The following SCUBE2 variants were observed in gnomAD, a reference collection of about 807,000 sequenced individuals.
SCUBE2 encodes signal peptide, CUB and EGF-like domain-containing protein 2.
A neutral mutation model predicts 125.9 loss-of-function variants in SCUBE2; 114 were observed. The ratio of observed to expected loss-of-function variants is 0.91; its 90% CI spans 0.78 to 1.06. The LOEUF is 1.06. SCUBE2 is among the 50% of genes least tolerant of loss of function. The probability of loss-of-function intolerance (pLI) is 0.00; values close to 1 mark genes in which losing one functional copy is unlikely to be tolerated. For synonymous variants in SCUBE2, 459 were observed against 492.9 expected (o/e 0.93, Z 0.91); for missense variants, 1,255 against 1,301.8 (o/e 0.96, Z 0.55).
At chr11:9,084,283 T>C (rs2135962414) in intron 2 of SCUBE2, among the ~76,000 whole-genome samples, 1 of 152,346 alleles carries the variant, frequency 6.6e-6, no homozygotes, top group East Asian at 1.9e-4. Context: ...TATGCATCAG[T>C]ACATAGTGGT....
Position 9,090,434 on chromosome 11 carries a change from C to A in SCUBE2, c.134-605G>T, listed in dbSNP as rs868470783. 9 of 152,688 alleles carry A rather than the reference C, an allele frequency of 5.9e-5. No individual in the cohort carries two copies. In the Middle Eastern group the frequency reaches 9.0e-3, roughly 153 times the overall value. The allele number at this position is 152,688 out of a possible 1,614,324, so 9.5% of individuals were successfully genotyped here. On this transcript the variant is annotated intron_variant, in intron 1 of 22. Coordinates refer to ENST00000649792, the MANE Select transcript of SCUBE2 (RefSeq NM_001367977.2). Reference sequence around the variant, plus strand: ...GGACAGTTTTGAATGCGGCCCAATGCAAATTCATAAACTTTCTTAAAACAT... The same window carrying A: ...GGACAGTTTTGAATGCGGCCCAATGAAAATTCATAAACTTTCTTAAAACAT...
Position 9,050,637 on chromosome 11 carries a change from C to G in SCUBE2, c.1608G>C (p.Leu536=). ...EGKCSLKNAE[L]FPEGLRPALP... ...GTGCTGGTCGCAGACCCTCGGGAAA[C>G]AGCTCAGCATTTTTCAAACTACACT... The change falls in exon 14 of 23, where the codon CTG becomes CTC. Residue 536 remains leucine, a synonymous_variant. Transcript: ENST00000649792. 2 of 1,614,170 alleles carry G rather than the reference C, an allele frequency of 1.2e-6. No individual in the cohort carries two copies. The highest frequency in any genetic ancestry group is 1.7e-6 in the Non-Finnish European group (2 of 1,179,980).
intron 16 of SCUBE2, among the ~76,000 whole-genome samples, chr11:9,038,514 T>C (rs527566379): frequency 1.4e-4 from 21 of 152,020 alleles, no homozygotes; most frequent in Admixed American, 4.6e-4. Context: ...TGGTAGTGCA[T>C]GCCAGTGGGA....
intron 21 of SCUBE2, chr11:9,024,374 C>T (rs563912734): frequency 7.8e-7 from 1 of 1,288,184 alleles, no homozygotes; most frequent in East Asian, 5.6e-5. Flanking sequence ...GATACTAAAA[C>T]TCCTTGTCTT....
intron 2 of SCUBE2, among the ~76,000 whole-genome samples, chr11:9,086,579 G>A (rs970729413): frequency 1.8e-4 from 28 of 151,654 alleles, no homozygotes; most frequent in African/African-American, 6.3e-4. Context: ...CTGGCCGGGC[G>A]CAGTGGCTCA....
intron 19 of SCUBE2, among the ~76,000 whole-genome samples, 182 bp downstream of exon 19, chr11:9,029,702 G>A (rs969402920): frequency 2.6e-5 from 4 of 152,200 alleles, no homozygotes; most frequent in East Asian, 3.9e-4. Flanking sequence ...AAGATGAGTC[G>A]CTCTGCACAG....
intron 3 of SCUBE2, 101 bp from the exon 4 acceptor site, chr11:9,074,716 T>C (rs1245944288): frequency 4.5e-6 from 6 of 1,339,350 alleles, no homozygotes; most frequent in South Asian, 2.5e-5. Context: ...GAGGTTCCTC[T>C]TCACGTCCCT....
intron 8 of SCUBE2, chr11:9,059,754 T>C (rs543520257): frequency 2.8e-5 from 7 of 251,938 alleles, no homozygotes; most frequent in African/African-American, 1.5e-4. Context: ...GATGGGTCTC[T>C]TTAGTACACT....
Position 9,054,699 on chromosome 11 carries a change from G to GTATATA in SCUBE2, c.1208-941_1208-940insTATATA, listed in dbSNP as rs1491160291. Among the ~76,000 whole-genome samples the GTATATA allele has an allele frequency of 1.5e-3, 68 of 44,708 alleles. 9 individuals are homozygous for GTATATA. Among genetic ancestry groups the GTATATA allele is most frequent in the East Asian group, 0.013 (11 of 858 alleles). The allele number at this position is 44,708 out of a possible 152,430, so 29.3% of individuals were successfully genotyped here. A position where few individuals can be genotyped will look rare whatever the true frequency, so the allele number is the denominator to read the frequency against. On this transcript the variant is annotated intron_variant, in intron 10 of 22. Transcript: ENST00000649792. ...GATAACTGTCAGTAGCAAAGCACTA[G>GTATATA]TGTATATATATATATATATATATAT... is the stretch of plus-strand genomic sequence containing the variant.
chr11:9,041,730 A>C (rs1857263901), intron 16 of SCUBE2, among the ~76,000 whole-genome samples: 1 of 151,774 alleles, frequency 6.6e-6, no homozygotes, highest in Admixed American at 6.6e-5. Flanking sequence ...GGCTCCTTCA[A>C]AGAGCTTCGT....
chr11:9,059,954 C>T (rs1859495603), intron 8 of SCUBE2, among the ~76,000 whole-genome samples: 1 of 152,082 alleles, frequency 6.6e-6, no homozygotes, highest in South Asian at 2.1e-4. Context: ...GTACTCTTGC[C>T]CATGAAATAT....
chr11:9,059,442 T>C lies in SCUBE2; in HGVS notation c.968-17A>G, dbSNP rs573062039. 65 of 1,612,648 alleles carry C rather than the reference T, an allele frequency of 4.0e-5. No individual in the cohort carries two copies. The highest frequency in any genetic ancestry group is 1.2e-4 in the African/African-American group (9 of 75,066). On this transcript the variant is annotated splice_polypyrimidine_tract_variant and intron_variant, in intron 8 of 22. Transcript: ENST00000649792. The stretch of plus-strand genomic sequence containing the variant: ...CATCAATATCTGCAACAGGAAAGCA[T>C]TGGGCATATCAGAGAGCAATACTTG...
chr11:9,030,473 G>A (rs1451896704), intron 18 of SCUBE2: 1 of 444,010 alleles, frequency 2.3e-6, no homozygotes, highest in Non-Finnish European at 4.1e-6. Context: ...TGAGATGGAG[G>A]AGGGCTAGAG....
At chr11:9,055,701 C>T in intron 10 of SCUBE2, 92 bp downstream of exon 10, 1 of 912,042 alleles carries the variant, frequency 1.1e-6, no homozygotes, top group South Asian at 1.4e-5. Flanking sequence ...TTTCATACCC[C>T]AATGTAGGAA....
At chr11:9,022,439 A>T (rs540006175) in intron 21 of SCUBE2, 6 of 156,006 alleles carry the variant, frequency 3.8e-5, no homozygotes, top group South Asian at 1.9e-4. Context: ...AAAAATCCTT[A>T]AAAAAATTGT....
intron 17 of SCUBE2, among the ~76,000 whole-genome samples, chr11:9,031,909 T>C (rs746416873): frequency 6.6e-5 from 10 of 152,142 alleles, no homozygotes; most frequent in Non-Finnish European, 8.8e-5. Flanking sequence ...ACACACACCA[T>C]TGGGAGGAGC....
intron 10 of SCUBE2, among the ~76,000 whole-genome samples, chr11:9,053,969 A>C (rs539632744): frequency 4.8e-5 from 7 of 145,976 alleles, no homozygotes; most frequent in Admixed American, 4.8e-4. Flanking sequence ...GAGGCTCAAT[A>C]GGGCCTTCTC....
At chr11:9,035,369 A>G (rs1433526788) in intron 16 of SCUBE2, among the ~76,000 whole-genome samples, 3 of 152,206 alleles carry the variant, frequency 2.0e-5, no homozygotes, top group African/African-American at 7.2e-5. Context: ...TTTGTGAAAT[A>G]CTCCTATGGT....
At chr11:9,066,092 A>T in intron 6 of SCUBE2, 112 bp from the exon 7 acceptor site, 1 of 713,500 alleles carries the variant, frequency 1.4e-6, no homozygotes, top group Non-Finnish European at 2.4e-6. Context: ...AAGATATGTG[A>T]CTCTGTTCAC....
Sources: allele counts gnomAD v4.1 joint callset (sites outside exome capture counted in the v4.1 genomes callset), GRCh38; gene constraint gnomAD v4.1.1; transcripts MANE v1.5; gene names NCBI Gene and HGNC (gene_info 2026-07-23, HGNC 2026-07-21).